Variants in DPH6 observed in about 807,000 individuals in gnomAD.
DPH6 encodes diphthamine biosynthesis 6, also known as diphthine--ammonia ligase.
Under a neutral mutation model 38.2 loss-of-function variants are expected in DPH6, and 33 were observed. That is an observed-to-expected ratio of 0.86 (90% CI 0.65 to 1.15). The LOEUF (loss-of-function observed/expected upper bound fraction) is 1.15, where lower values mean the gene tolerates loss of function less well. Among genes scored for constraint, DPH6 ranks in the 50% most tolerant of loss-of-function variants. The pLI, the probability that DPH6 is intolerant of heterozygous loss-of-function variation, is 0.00. For synonymous variants in DPH6, 108 were observed against 103.0 expected, an observed-to-expected ratio of 1.05 and a Z score of -0.30; for missense variants, 325 against 320.0, an observed-to-expected ratio of 1.02 and a Z score of -0.12.
At chr15:35,222,574 T>C (rs1361779198) in intron 3 of DPH6, among the ~76,000 whole-genome samples, 3 of 152,152 alleles carry the variant, frequency 2.0e-5, no homozygotes, top group Non-Finnish European at 2.9e-5. Flanking sequence ...TGAGAAATGG[T>C]TGCATTCTTT....
intron 3 of DPH6, among the ~76,000 whole-genome samples, chr15:35,488,673 CA>C (rs1266330644): frequency 6.6e-6 from 1 of 151,880 alleles, no homozygotes; most frequent in African/African-American, 2.4e-5. Context: ...GGGACAGAGA[CA>C]AACCATATCA....
the DPH6 span, among the ~76,000 whole-genome samples, chr15:35,169,077 G>A: frequency 1.3e-5 from 2 of 152,212 alleles, no homozygotes; most frequent in South Asian, 4.2e-4. Flanking sequence ...AAAGATAAAT[G>A]AGCAGGCAGT....
chr15:35,450,829 T>C, intron 4 of DPH6, 26 bp from the exon 5 acceptor site: 1 of 1,531,574 alleles, frequency 6.5e-7, no homozygotes, highest in Admixed American at 1.8e-5. Context: ...AAAAAGAAAG[T>C]CAGATGATCT....
chr15:35,317,797 A>T (rs186680645), intron 3 of DPH6, among the ~76,000 whole-genome samples: 166 of 152,268 alleles, frequency 1.1e-3, no homozygotes, highest in African/African-American at 3.8e-3. Flanking sequence ...TAAAGTTAAA[A>T]TATTTTACAG....
downstream of DPH6, among the ~76,000 whole-genome samples, chr15:35,215,986 T>C (rs117349524): frequency 1.8e-3 from 277 of 152,362 alleles, 4 homozygotes; most frequent in East Asian, 0.039. Flanking sequence ...CTCTAGTACT[T>C]GATCCAACAT....
At chr15:35,170,423 C>G in the DPH6 span, among the ~76,000 whole-genome samples, 3 of 152,138 alleles carry the variant, frequency 2.0e-5, no homozygotes, top group Non-Finnish European at 4.4e-5. Context: ...AACGGTGGAG[C>G]TTCCCTCTGA....
intron 7 of DPH6, among the ~76,000 whole-genome samples, chr15:35,378,937 A>G (rs1431233096): frequency 6.6e-6 from 1 of 152,214 alleles, no homozygotes; most frequent in Non-Finnish European, 1.5e-5. Context: ...ACAAACCTAC[A>G]CATTCTTCAC....
At chr15:35,398,444 A>C (rs888190698) in intron 6 of DPH6, among the ~76,000 whole-genome samples, 2 of 152,160 alleles carry the variant, frequency 1.3e-5, no homozygotes, top group Non-Finnish European at 2.9e-5. Flanking sequence ...CTACATAATG[A>C]AGCCTCCATG....
intron 3 of DPH6, chr15:35,522,384 G>T: frequency 8.7e-7 from 1 of 1,143,042 alleles, no homozygotes; most frequent in Non-Finnish European, 1.2e-6. Context: ...GGCTGTCTCT[G>T]CTTATTCAGT....
the DPH6 span, among the ~76,000 whole-genome samples, chr15:35,152,577 G>A: frequency 1.5e-4 from 23 of 152,098 alleles, no homozygotes; most frequent in African/African-American, 2.2e-4. Flanking sequence ...TCCGTTCACT[G>A]CAACCTCCAC....
intron 5 of DPH6, among the ~76,000 whole-genome samples, chr15:35,420,537 TAGAC>T (rs1025626253): frequency 4.6e-5 from 7 of 152,158 alleles, no homozygotes; most frequent in Non-Finnish European, 1.0e-4. Context: ...TTTTATTTTT[TAGAC>T]AGTCTCGCTC....
intron 3 of DPH6, among the ~76,000 whole-genome samples, chr15:35,258,598 T>C (rs1319717860): frequency 1.3e-5 from 2 of 152,236 alleles, no homozygotes; most frequent in African/African-American, 4.8e-5. Flanking sequence ...TCCTTTGTTC[T>C]ATAAGCTGTC....
chr15:35,355,870 G>C (rs1354593905), intron 3 of DPH6, among the ~76,000 whole-genome samples: 1 of 152,194 alleles, frequency 6.6e-6, no homozygotes, highest in African/African-American at 2.4e-5. Context: ...ATAATATCCT[G>C]CAGAGTGTTT....
intron 3 of DPH6, among the ~76,000 whole-genome samples, chr15:35,264,080 T>C (rs928319454): frequency 2.1e-5 from 3 of 143,184 alleles, no homozygotes; most frequent in Non-Finnish European, 4.7e-5. Context: ...AATTCACTCA[T>C]ATGGATTTAA....
At chr15:35,365,283 TTCTA>T (rs2052648015) in intron 3 of DPH6, among the ~76,000 whole-genome samples, 1 of 152,112 alleles carries the variant, frequency 6.6e-6, no homozygotes, top group African/African-American at 2.4e-5. Flanking sequence ...TTATTTACTT[TTCTA>T]TCTGTCTCAC....
At chr15:35,164,881 T>C in the DPH6 span, among the ~76,000 whole-genome samples, 1 of 151,946 alleles carries the variant, frequency 6.6e-6, no homozygotes, top group Non-Finnish European at 1.5e-5. Context: ...ATTGATTCTA[T>C]GTTAATGCCA....
At chr15:35,369,878 G>A (rs113550492), downstream of DPH6, among the ~76,000 whole-genome samples, 595 of 151,774 alleles carry the variant, frequency 3.9e-3, 3 homozygotes, top group African/African-American at 0.013. Context: ...CTGATTGTAA[G>A]GTTTTTATCA....
intron 5 of DPH6, among the ~76,000 whole-genome samples, chr15:35,436,649 C>A (rs947422107): frequency 1.1e-4 from 16 of 152,018 alleles, no homozygotes; most frequent in African/African-American, 3.4e-4. Flanking sequence ...CTTGCTCAGG[C>A]ACCTTTTTCT....
chr15:35,444,068 T>C (rs547616047), intron 5 of DPH6, among the ~76,000 whole-genome samples: 15 of 152,280 alleles, frequency 9.9e-5, no homozygotes, highest in African/African-American at 2.2e-4. Flanking sequence ...CTGGCCCAGA[T>C]TGGCACATGA....
Sources: gnomAD v4.1 joint callset for allele counts (sites outside exome capture counted in the v4.1 genomes callset) on GRCh38, gnomAD v4.1.1 for gene constraint, MANE v1.5 for transcripts, NCBI Gene and HGNC (gene_info 2026-07-23, HGNC 2026-07-21) for gene names.